KATNIP: variants seen among roughly 807,000 people sequenced by gnomAD.
The protein encoded by KATNIP is katanin-interacting protein.
Under a neutral mutation model 174.0 loss-of-function variants are expected in KATNIP, and 126 were observed. The observed-to-expected ratio is 0.72, with a 90% CI of 0.63 to 0.84. The LOEUF (loss-of-function observed/expected upper bound fraction) is 0.84, where lower values mean the gene tolerates loss of function less well. Ranked by LOEUF, KATNIP falls within the 40% of genes least tolerant of loss-of-function variation. The probability of loss-of-function intolerance (pLI) is 0.00; values close to 1 mark genes in which losing one functional copy is unlikely to be tolerated. For missense variants in KATNIP, 1,958 were observed against 2,109.7 expected (o/e 0.93, Z 1.41); for synonymous variants, 810 against 835.7 (o/e 0.97, Z 0.53).
At chr16:27,685,903 C>G (rs1333913340) in intron 8 of KATNIP, among the ~76,000 whole-genome samples, 2 of 152,090 alleles carry the variant, frequency 1.3e-5, no homozygotes, top group Non-Finnish European at 2.9e-5. Flanking sequence ...GTTAGAAATC[C>G]CTCAAATTGA....
intron 1 of KATNIP, among the ~76,000 whole-genome samples, chr16:27,554,527 G>C (rs774648471): frequency 6.6e-6 from 1 of 152,128 alleles, no homozygotes; most frequent in African/African-American, 2.4e-5. Context: ...TTTTGTCTTT[G>C]TGGACCCCTC....
At chr16:27,710,781 A>G (rs1434735418) in intron 13 of KATNIP, among the ~76,000 whole-genome samples, 1 of 152,176 alleles carries the variant, frequency 6.6e-6, no homozygotes, top group Non-Finnish European at 1.5e-5. Flanking sequence ...TTACGGGCAT[A>G]AGCCAGCATG....
chr16:27,710,612 CT>C (rs1310637151), intron 13 of KATNIP, among the ~76,000 whole-genome samples: 3 of 152,136 alleles, frequency 2.0e-5, no homozygotes, highest in African/African-American at 7.2e-5. Context: ...AGCTGTCCTC[CT>C]GCCTCAGCCT....
chr16:27,695,841 T>G (rs1016452118), intron 8 of KATNIP, among the ~76,000 whole-genome samples: 1 of 152,070 alleles, frequency 6.6e-6, no homozygotes, highest in Non-Finnish European at 1.5e-5. Context: ...TGACCTCCCC[T>G]CCCCGCCCCA....
At chr16:27,626,608 G>A (rs1293657396) in intron 3 of KATNIP, among the ~76,000 whole-genome samples, 2 of 152,110 alleles carry the variant, frequency 1.3e-5, no homozygotes, top group Non-Finnish European at 2.9e-5. Flanking sequence ...CCTTGGGCAA[G>A]TTCTTTAACC....
intron 12 of KATNIP, among the ~76,000 whole-genome samples, chr16:27,705,901 C>T (rs746043187): frequency 5.9e-5 from 9 of 152,082 alleles, no homozygotes; most frequent in South Asian, 2.1e-4. Flanking sequence ...TGGTCTTGAA[C>T]TTCTGGGCTC....
intron 3 of KATNIP, among the ~76,000 whole-genome samples, chr16:27,620,742 G>A (rs2076170854): frequency 6.6e-6 from 1 of 152,188 alleles, no homozygotes; most frequent in African/African-American, 2.4e-5. Context: ...CCGAGAAGGG[G>A]GGATGTAATC....
intron 5 of KATNIP, among the ~76,000 whole-genome samples, chr16:27,634,490 G>C (rs575880295): frequency 3.9e-5 from 6 of 152,330 alleles, no homozygotes; most frequent in Admixed American, 2.6e-4. Flanking sequence ...CATTGGGAAG[G>C]TGGGGTATCA....
At chr16:27,690,190 C>T (rs2142897194) in intron 8 of KATNIP, among the ~76,000 whole-genome samples, 1 of 152,040 alleles carries the variant, frequency 6.6e-6, no homozygotes, top group Non-Finnish European at 1.5e-5. Context: ...TGGTGCATGC[C>T]TGTGGTCCCA....
rs959343339 is a variant in KATNIP, at chr16:27,605,788, C to A, written c.64-12637C>A. Among the ~76,000 whole-genome samples, 6 of 152,116 alleles carry A rather than the reference C, an allele frequency of 3.9e-5. 1 individual carries two copies. The highest frequency in any genetic ancestry group is 1.4e-4 in the African/African-American group (6 of 41,418). ...GGTGCATTGACTGCAGAGTATATTTCTGTTTTCGAGGATGGGAATATAACT... is the reference window on the plus strand; with the variant it reads ...GGTGCATTGACTGCAGAGTATATTTATGTTTTCGAGGATGGGAATATAACT... On this transcript the variant is annotated intron_variant, in intron 2 of 27. Transcript: ENST00000261588.
intron 4 of KATNIP, among the ~76,000 whole-genome samples, chr16:27,630,071 A>C (rs2076442536): frequency 6.6e-6 from 1 of 152,228 alleles, no homozygotes; most frequent in South Asian, 2.1e-4. Flanking sequence ...GAGACTGCTT[A>C]TCCCAAGTAG....
chr16:27,617,031 C>G (rs2076060910), intron 2 of KATNIP, among the ~76,000 whole-genome samples: 1 of 149,578 alleles, frequency 6.7e-6, no homozygotes, highest in African/African-American at 2.5e-5. Flanking sequence ...ATTACAATAG[C>G]AGTTTTACTG....
Position 27,701,661 on chromosome 16 carries a change from C to G in KATNIP, c.1252C>G (p.Gln418Glu), listed in dbSNP as rs778455587. The G allele has an allele frequency of 4.4e-6, 7 of 1,607,474 alleles. No individual in the cohort carries two copies. The highest frequency in any genetic ancestry group is 5.1e-6 in the Non-Finnish European group (6 of 1,177,490). Reference protein sequence around the residue: ...GAAGGARAINQAMDRIGLLGS... With the variant: ...GAAGGARAINEAMDRIGLLGS... ...AGCAGGAGGAGCCAGGGCCATCAAC[C>G]AGGCCATGGACAGAATTGGGCTTCT... Residue 418 changes from glutamine (Q) to glutamate (E), a missense_variant, in exon 11 of 28, where the codon CAG becomes GAG. Gln to Glu is a conservative substitution (Grantham distance 29). This residue lies in a region of KATNIP where 1,557 missense variants were observed against 1,617.8 expected (regional missense o/e 0.96). Transcript: ENST00000261588.
At chr16:27,623,229 C>T (rs895805724) in intron 3 of KATNIP, among the ~76,000 whole-genome samples, 19 of 152,188 alleles carry the variant, frequency 1.2e-4, no homozygotes, top group African/African-American at 4.6e-4. Flanking sequence ...GGGGAGAGCA[C>T]AAGCACTGCA....
intron 1 of KATNIP, among the ~76,000 whole-genome samples, chr16:27,573,053 C>T (rs560754584): frequency 8.5e-5 from 13 of 152,296 alleles, no homozygotes; most frequent in South Asian, 6.2e-4. Flanking sequence ...ACTCAGTCCC[C>T]GTTGCTTTCC....
intron 11 of KATNIP, among the ~76,000 whole-genome samples, chr16:27,702,297 T>C (rs1269069087): frequency 1.3e-5 from 2 of 152,176 alleles, no homozygotes; most frequent in African/African-American, 2.4e-5. Context: ...GGGGGCGAGG[T>C]TGGCCCACAG....
At chr16:27,712,930 C>G (rs1394159101) in intron 13 of KATNIP, among the ~76,000 whole-genome samples, 9 of 152,112 alleles carry the variant, frequency 5.9e-5, no homozygotes, top group Non-Finnish European at 1.5e-5. Context: ...CTCAGCCTCT[C>G]AAGAAGCTGG....
chr16:27,778,104 C>T (rs1845853600), intron 27 of KATNIP, 135 bp downstream of exon 27: 6 of 738,308 alleles, frequency 8.1e-6, no homozygotes, highest in South Asian at 1.7e-5. Flanking sequence ...GGAGCCTGCC[C>T]AAAGGCCTAG....
Position 27,777,235 on chromosome 16 carries a change from T to C in KATNIP, c.4551+206T>C, listed in dbSNP as rs1230316574. On this transcript the variant is annotated intron_variant, in intron 25 of 27. Coordinates refer to ENST00000261588, the MANE Select transcript of KATNIP (RefSeq NM_015202.5). The surrounding 1 kb of genome is among the most constrained non-coding windows in gnomAD (Gnocchi z 4.4). ...TGATTTCAGTGTCACCCTGAGCAAA[T>C]AGAAAGTGGGTTTTCTTTCGTCTTT... Among the ~76,000 whole-genome samples the C allele has an allele frequency of 6.6e-6, 1 of 152,138 alleles. No individual in the cohort carries two copies. Among genetic ancestry groups the C allele is most frequent in the East Asian group, 1.9e-4 (1 of 5,188 alleles).
Sources: allele counts gnomAD v4.1 joint callset (sites outside exome capture counted in the v4.1 genomes callset), GRCh38; gene constraint gnomAD v4.1.1; regional missense constraint gnomAD v4.1.1; non-coding constraint Gnocchi (gnomAD v3.1); transcripts MANE v1.5; gene names NCBI Gene and HGNC (gene_info 2026-07-23, HGNC 2026-07-21).